Variants in E2F3 observed in about 807,000 individuals in gnomAD.
E2F3 encodes the protein transcription factor E2F3.
In E2F3, 11 loss-of-function variants were observed where a neutral mutation model predicts 44.4. The ratio of observed to expected loss-of-function variants is 0.25; its 90% confidence interval spans 0.16 to 0.41. The LOEUF (loss-of-function observed/expected upper bound fraction) is 0.41. Ranked by LOEUF, E2F3 falls within the 10% of genes least tolerant of loss-of-function variation. The pLI is 1.00. For synonymous variants in E2F3, 249 were observed against 253.0 expected, an observed-to-expected ratio of 0.98 and a Z score of 0.15; for missense variants, 487 against 583.6, an observed-to-expected ratio of 0.83 and a Z score of 1.70.
chr6:20,445,044 A>G (rs2127597824), intron 1 of E2F3: 1 of 984,950 alleles, frequency 1.0e-6, no homozygotes, highest in Non-Finnish European at 1.2e-6. Flanking sequence ...TGGTTTAAGC[A>G]TTTGGACCAA....
chr6:20,410,595 G>C (rs576112058), intron 1 of E2F3, among the ~76,000 whole-genome samples: 1 of 152,274 alleles, frequency 6.6e-6, no homozygotes, highest in East Asian at 1.9e-4. Context: ...CATCTCATGG[G>C]CTGTCCTTTT....
chr6:20,486,689 G>T lies in E2F3; in HGVS notation c.885G>T (p.Arg295Ser). ...KLLTEDSENQRLAYVTYQDIR... is the reference protein window; with the variant it reads ...KLLTEDSENQSLAYVTYQDIR... ...TGGAAGATTCCTTGACACTCTTTAC[G>T]TTAGCTTATGTTACATATCAAGATA... Residue 295 changes from arginine to serine, a missense_variant and splice_region_variant, in exon 5 of 7, where the codon AGG becomes AGT. Around this residue, in one of 3 missense-constraint regions of E2F3, gnomAD observed 220 missense variants for 261.7 expected, o/e 0.84. Coordinates refer to ENST00000346618, the MANE Select transcript of E2F3 (RefSeq NM_001949.5). The T allele has an allele frequency of 6.5e-7, 1 of 1,539,856 alleles. No homozygotes were observed. Among genetic ancestry groups the T allele is most frequent in the Non-Finnish European group, 8.9e-7 (1 of 1,117,934 alleles).
chr6:20,445,247 C>CTTT (rs397791188), intron 1 of E2F3: 13,994 of 602,996 alleles, frequency 0.023, 349 homozygotes, highest in African/African-American at 0.12. Context: ...TATTTTCTCC[C>CTTT]TTTTTTTTTT....
chr6:20,462,580 C>T (rs1477613214), intron 1 of E2F3, among the ~76,000 whole-genome samples: 3 of 151,828 alleles, frequency 2.0e-5, no homozygotes, highest in Non-Finnish European at 4.4e-5. Context: ...ACCTCAGCCT[C>T]CTAAGTAACT....
chr6:20,450,086 A>C (rs1005997713), intron 1 of E2F3, among the ~76,000 whole-genome samples: 2 of 152,198 alleles, frequency 1.3e-5, no homozygotes, highest in Non-Finnish European at 2.9e-5. Flanking sequence ...AACATACGGT[A>C]TGCATGAGTC....
At chr6:20,488,039 T>G (rs774752713) in intron 5 of E2F3, 74 bp from the exon 6 acceptor site, 5 of 1,589,390 alleles carry the variant, frequency 3.1e-6, no homozygotes, top group Non-Finnish European at 4.3e-6. Context: ...ACTTTCCATT[T>G]TTAGACAAGA....
Position 20,479,937 on chromosome 6 carries a change from G to A in E2F3, c.485G>A (p.Arg162Gln), listed in dbSNP as rs765868574. 10 of 1,610,852 alleles carry A rather than the reference G, an allele frequency of 6.2e-6. No individual in the cohort carries two copies. Among genetic ancestry groups the A allele is most frequent in the African/African-American group, 1.3e-5 (1 of 74,880 alleles). The change falls in exon 2 of 7, where the codon CGA (arginine) becomes CAA (glutamine). Residue 162 changes from arginine to glutamine, a missense_variant. Coordinates refer to ENST00000346618, the MANE Select transcript of E2F3 (RefSeq NM_001949.5). Reference protein sequence around the residue: ...TPKGKGRAALRSPDSPKTPKS... With the variant: ...TPKGKGRAALQSPDSPKTPKS... ...AAGGGCAAAGGAAGAGCTGCACTAC[G>A]AAGTCCAGATAGTCCAAAAAGTAAG...
chr6:20,482,696 A>G lies in E2F3; in HGVS notation c.726-66A>G, dbSNP rs1200613232. 4.0e-6 allele frequency: 6 copies of G among 1,500,636 alleles called. 1 individual carries two copies. Among genetic ancestry groups the G allele is most frequent in the African/African-American group, 1.4e-5 (1 of 71,252 alleles). The allele number at this position is 1,500,636 out of a possible 1,614,324, so 93.0% of individuals were successfully genotyped here. On this transcript the variant is annotated intron_variant, in intron 3 of 6. Coordinates refer to ENST00000346618, the MANE Select transcript of E2F3 (RefSeq NM_001949.5). ...TATGTCAAGAGGAGACATTTACCCA[A>G]AGGATCATTTCTCCTTCCCCTCCCT...
chr6:20,472,254 G>A (rs1272826221), intron 1 of E2F3, among the ~76,000 whole-genome samples: 2 of 152,190 alleles, frequency 1.3e-5, no homozygotes, highest in East Asian at 3.9e-4. Flanking sequence ...CAGTGAGGAA[G>A]CCTGGAGTAT....
chr6:20,413,505 A>G (rs1759743134), intron 1 of E2F3, among the ~76,000 whole-genome samples: 1 of 152,206 alleles, frequency 6.6e-6, no homozygotes, highest in Non-Finnish European at 1.5e-5. Flanking sequence ...CCCAGGTTGT[A>G]GCCCAGGCAA....
At chr6:20,425,004 TG>T (rs1760165930) in intron 1 of E2F3, among the ~76,000 whole-genome samples, 2 of 152,168 alleles carry the variant, frequency 1.3e-5, no homozygotes, top group Admixed American at 1.3e-4. Flanking sequence ...GGTTATCAGG[TG>T]TTTCTCCATG....
intron 1 of E2F3, chr6:20,444,972 TC>T: frequency 8.3e-6 from 5 of 603,686 alleles, no homozygotes; most frequent in Non-Finnish European, 8.3e-6. Context: ...CCTTGCACTG[TC>T]CCTGTCATAT....
intron 1 of E2F3, among the ~76,000 whole-genome samples, chr6:20,465,012 A>G (rs1761654453): frequency 6.6e-6 from 1 of 152,198 alleles, no homozygotes; most frequent in Non-Finnish European, 1.5e-5. Context: ...CATCCTAGCA[A>G]TCCTTACATT....
intron 1 of E2F3, among the ~76,000 whole-genome samples, chr6:20,413,634 G>A (rs989683669): frequency 1.3e-5 from 2 of 152,178 alleles, no homozygotes; most frequent in Admixed American, 1.3e-4. Context: ...GTGGCTAGAC[G>A]CCAGGCACCA....
At chr6:20,460,627 C>G (rs141229187) in intron 1 of E2F3, among the ~76,000 whole-genome samples, 20 of 152,196 alleles carry the variant, frequency 1.3e-4, no homozygotes, top group Non-Finnish European at 2.6e-4. Flanking sequence ...CTTATACATG[C>G]CTTCCTGTGC....
At chr6:20,474,169 C>T (rs911275581) in intron 1 of E2F3, among the ~76,000 whole-genome samples, 1 of 151,836 alleles carries the variant, frequency 6.6e-6, no homozygotes, top group Non-Finnish European at 1.5e-5. Flanking sequence ...ACTCCTGGGC[C>T]CAAGTGATCC....
intron 1 of E2F3, among the ~76,000 whole-genome samples, chr6:20,434,258 T>C (rs1014940579): frequency 8.5e-5 from 13 of 152,210 alleles, no homozygotes; most frequent in African/African-American, 2.4e-4. Flanking sequence ...CGTTGTGGTA[T>C]AAGAAAAGGG....
chr6:20,406,051 CTG>C (rs1383398408), intron 1 of E2F3, among the ~76,000 whole-genome samples: 1 of 152,184 alleles, frequency 6.6e-6, no homozygotes, highest in Non-Finnish European at 1.5e-5. Context: ...CCTAAACACT[CTG>C]TGTCCAAGAA....
intron 4 of E2F3, among the ~76,000 whole-genome samples, chr6:20,486,410 C>G (rs964985581): frequency 1.6e-4 from 24 of 152,104 alleles, no homozygotes; most frequent in Admixed American, 1.5e-3. Flanking sequence ...GTAGCTGGGA[C>G]TACAGGCGCC....
Sources: allele counts gnomAD v4.1 joint callset (sites outside exome capture counted in the v4.1 genomes callset), GRCh38; gene constraint gnomAD v4.1.1; regional missense constraint gnomAD v4.1.1; transcripts MANE v1.5; gene names NCBI Gene and HGNC (gene_info 2026-07-23, HGNC 2026-07-21).